The following HOATZ variants were observed in gnomAD, a reference collection of about 807,000 sequenced individuals.
The protein encoded by HOATZ is HOATZ cilia and flagella associated protein.
Under a neutral mutation model 24.9 loss-of-function variants are expected in HOATZ, and 26 were observed. The observed-to-expected ratio is 1.04, with a 90% confidence interval of 0.76 to 1.45. The LOEUF is 1.45. Among genes scored for constraint, HOATZ ranks in the 40% most tolerant of loss-of-function variants. The probability of loss-of-function intolerance (pLI) is 0.00; values close to 1 mark genes in which losing one functional copy is unlikely to be tolerated. For synonymous variants in HOATZ, 83 were observed against 76.6 expected (o/e 1.08, Z -0.43); for missense variants, 226 against 201.5 (o/e 1.12, Z -0.74).
Position 111,536,961 on chromosome 11 carries a change from C to A in HOATZ, c.*134C>A. 2.9e-6 allele frequency: 2 copies of A among 680,194 alleles called. No homozygotes were observed. Among genetic ancestry groups the A allele is most frequent in the Non-Finnish European group, 5.1e-6 (2 of 392,196 alleles). The allele number at this position is 680,194 out of a possible 1,614,324, so 42.1% of individuals were successfully genotyped here. A position where few individuals can be genotyped will look rare whatever the true frequency, so the allele number is the denominator to read the frequency against. ...AAATACAAGTTAAATACGCAGACTT[C>A]CAGGAATTTTACCAGTTAGTGAGTA... is the stretch of plus-strand genomic sequence containing the variant. On this transcript the variant is annotated 3_prime_UTR_variant, in exon 6 of 6. Coordinates refer to ENST00000375618, the MANE Select transcript of HOATZ (RefSeq NM_001100388.2).
chr11:111,516,121 A>G lies in HOATZ; in HGVS notation c.339+11A>G. 6.6e-7 allele frequency: 1 copy of G among 1,513,600 alleles called. No homozygotes were observed. The highest frequency in any genetic ancestry group is 2.3e-5 in the East Asian group (1 of 43,712). The allele number at this position is 1,513,600 out of a possible 1,614,324, so 93.8% of individuals were successfully genotyped here. A position where few individuals can be genotyped will look rare whatever the true frequency, so the allele number is the denominator to read the frequency against. On this transcript the variant is annotated intron_variant, in intron 3 of 5. Transcript: ENST00000375618. ...AAGTATCTCCAAAAGGTAGGCCAAT[A>G]TTTCAGAAGGTCATCTGATCATCAT...
intron 3 of HOATZ, 146 bp from the exon 4 acceptor site, chr11:111,533,600 C>T: frequency 2.0e-6 from 1 of 511,094 alleles, no homozygotes. Flanking sequence ...AGGATTTTGG[C>T]ACAAACAAAA....
At chr11:111,536,202 AGTG>A (rs1172006200) in intron 5 of HOATZ, 1 of 152,302 alleles carries the variant, frequency 6.6e-6, no homozygotes, top group Non-Finnish European at 1.5e-5. Context: ...CATGTAATTC[AGTG>A]TTAGCCAATT....
intron 4 of HOATZ, among the ~76,000 whole-genome samples, chr11:111,534,020 A>C (rs924245454): frequency 6.6e-6 from 1 of 152,248 alleles, no homozygotes; most frequent in Non-Finnish European, 1.5e-5. Context: ...CTGGCATAAG[A>C]AATGAGGTAT....
intron 3 of HOATZ, among the ~76,000 whole-genome samples, chr11:111,523,753 T>C (rs1867298925): frequency 6.6e-6 from 1 of 152,236 alleles, no homozygotes; most frequent in Admixed American, 6.5e-5. Context: ...CTACAGTTTC[T>C]TCTGCCTGAA....
intron 3 of HOATZ, among the ~76,000 whole-genome samples, chr11:111,530,899 T>C (rs1330780176): frequency 6.6e-6 from 1 of 152,182 alleles, no homozygotes; most frequent in Admixed American, 6.5e-5. Flanking sequence ...GTTATTTATT[T>C]CCAGGAAACA....
chr11:111,516,179 CATGTAT>C, intron 3 of HOATZ, 69 bp downstream of exon 3: 1 of 960,482 alleles, frequency 1.0e-6, no homozygotes, highest in Non-Finnish European at 1.6e-6. Context: ...TTTTTAAACA[CATGTAT>C]ATTTAAAAAT....
Position 111,514,805 on chromosome 11 carries a change from A to C in HOATZ, c.21A>C (p.Glu7Asp), listed in dbSNP as rs780324163. 3 of 1,614,004 alleles carry C rather than the reference A, an allele frequency of 1.9e-6. No homozygotes were observed. Among genetic ancestry groups the C allele is most frequent in the South Asian group, 2.2e-5 (2 of 91,062 alleles). Residue 7 changes from glutamate to aspartate, a missense_variant, in exon 1 of 6, where the codon GAA (glutamate) becomes GAC (aspartate). By Grantham distance (45) the Glu-to-Asp change is conservative. Transcript: ENST00000375618. METGPS[E>D]EPSGRKESQE... ...TTGCCATGGAAACGGGACCCAGCGA[A>C]GAACCTAGCGGCCGAAAAGAGTCCC...
chr11:111,521,129 T>G (rs1045966097), intron 3 of HOATZ, among the ~76,000 whole-genome samples: 1 of 152,204 alleles, frequency 6.6e-6, no homozygotes, highest in African/African-American at 2.4e-5. Context: ...TGTTTCATTT[T>G]TCTGTGACAT....
At chr11:111,524,943 C>A (rs1230329951) in intron 3 of HOATZ, 2 of 431,756 alleles carry the variant, frequency 4.6e-6, no homozygotes, top group Non-Finnish European at 9.3e-6. Flanking sequence ...CTCACTGCAG[C>A]CTCAACTTTC....
intron 1 of HOATZ, 69 bp from the exon 2 acceptor site, chr11:111,515,442 A>T (rs1324644007): frequency 2.3e-6 from 3 of 1,320,688 alleles, no homozygotes; most frequent in African/African-American, 1.5e-5. Flanking sequence ...TATAGTATAA[A>T]AAATTCAAAC....
intron 3 of HOATZ, among the ~76,000 whole-genome samples, chr11:111,523,100 C>T (rs768956653): frequency 6.6e-6 from 1 of 151,900 alleles, no homozygotes; most frequent in Non-Finnish European, 1.5e-5. Context: ...AGTTGTTCAA[C>T]ACACACGTTC....
intron 3 of HOATZ, among the ~76,000 whole-genome samples, chr11:111,529,448 C>A (rs1460105573): frequency 6.6e-6 from 1 of 152,146 alleles, no homozygotes; most frequent in Non-Finnish European, 1.5e-5. Flanking sequence ...ACTGCAACCT[C>A]CGCCTCCTGG....
At chr11:111,515,699 C>G (rs537895044) in intron 2 of HOATZ, 147 bp downstream of exon 2, 1 of 692,946 alleles carries the variant, frequency 1.4e-6, no homozygotes, top group South Asian at 1.8e-5. Context: ...CCCTGTTTAT[C>G]CAGAGGACAA....
chr11:111,531,555 C>G (rs925031639), intron 3 of HOATZ, among the ~76,000 whole-genome samples: 6 of 152,182 alleles, frequency 3.9e-5, no homozygotes, highest in Admixed American at 6.5e-5. Context: ...TGAATACCTG[C>G]ATTGAAAATA....
intron 5 of HOATZ, chr11:111,536,175 G>A (rs200914195): frequency 1.3e-5 from 2 of 152,220 alleles, no homozygotes; most frequent in East Asian, 3.8e-4. Flanking sequence ...ATAACAAAAA[G>A]TTTAGTTGAA....
chr11:111,534,301 C>G, intron 4 of HOATZ, 111 bp from the exon 5 acceptor site: 3 of 753,018 alleles, frequency 4.0e-6, no homozygotes, highest in Non-Finnish European at 6.7e-6. Flanking sequence ...AGAAGCTAGT[C>G]TTTATAAACT....
At chr11:111,520,365 A>T (rs950851996) in intron 3 of HOATZ, among the ~76,000 whole-genome samples, 3 of 151,390 alleles carry the variant, frequency 2.0e-5, no homozygotes, top group African/African-American at 7.2e-5. Context: ...CAGATTTGGA[A>T]ATGATCTGTA....
At chr11:111,523,543 A>G (rs142312241) in intron 3 of HOATZ, among the ~76,000 whole-genome samples, 1,634 of 152,294 alleles carry the variant, frequency 0.011, 13 homozygotes, top group Non-Finnish European at 0.016. Flanking sequence ...GAACATAACT[A>G]TGACAAACAA....
Sources: gnomAD v4.1 joint callset for allele counts (sites outside exome capture counted in the v4.1 genomes callset) on GRCh38, gnomAD v4.1.1 for gene constraint, MANE v1.5 for transcripts, NCBI Gene and HGNC (gene_info 2026-07-23, HGNC 2026-07-21) for gene names.